The following ADAMTS16 variants were observed in gnomAD, a reference collection of about 807,000 sequenced individuals.
ADAMTS16 encodes A disintegrin and metalloproteinase with thrombospondin motifs 16.
In ADAMTS16, 94 loss-of-function variants were observed where a neutral mutation model predicts 145.8. The ratio of observed to expected loss-of-function variants is 0.64; its 90% CI spans 0.55 to 0.77. ADAMTS16 has a LOEUF of 0.77. Among genes scored for constraint, ADAMTS16 ranks in the 30% least tolerant of loss-of-function variants. ADAMTS16 has a pLI of 0.00. For missense variants in ADAMTS16, 1,585 were observed against 1,591.5 expected (o/e 1.00, Z 0.07); for synonymous variants, 659 against 604.3 (o/e 1.09, Z -1.33).
chr5:5,306,812 G>C (rs75483865), intron 21 of ADAMTS16, 84 bp downstream of exon 21: 43,221 of 1,334,988 alleles, frequency 0.032, 830 homozygotes, highest in East Asian at 0.071. Flanking sequence ...ATGCTTCTGC[G>C]AGGGTGTTTT....
At position 5,234,994 on chromosome 5, in the gene ADAMTS16, C is replaced by T. The variant is rs748774002; in HGVS notation, c.1851-20C>T. 4 of 1,505,982 alleles carry T rather than the reference C, an allele frequency of 2.7e-6. No individual in the cohort carries two copies. In the Admixed American group the frequency reaches 8.0e-5, roughly 30 times the overall value. 93.3% of individuals were successfully genotyped at this position (1,505,982 alleles called of 1,614,324 possible). ...AGCTACTAAAATATAAAAATTCTAACTTCAAAATACACATTCCAGGCCATC... is the reference window on the plus strand; with the variant it reads ...AGCTACTAAAATATAAAAATTCTAATTTCAAAATACACATTCCAGGCCATC... On this transcript the variant is annotated intron_variant, in intron 12 of 22. Coordinates refer to ENST00000274181, the MANE Select transcript of ADAMTS16 (RefSeq NM_139056.4).
At chr5:5,170,625 G>A (rs922495897) in intron 3 of ADAMTS16, among the ~76,000 whole-genome samples, 1 of 152,158 alleles carries the variant, frequency 6.6e-6, no homozygotes, top group South Asian at 2.1e-4. Context: ...TGATCCGCCC[G>A]CCTCAGCCCC....
intron 11 of ADAMTS16, among the ~76,000 whole-genome samples, chr5:5,225,003 A>G (rs923128813): frequency 6.6e-6 from 1 of 152,088 alleles, no homozygotes; most frequent in Non-Finnish European, 1.5e-5. Flanking sequence ...TGTATTTCAA[A>G]TATAGCTTTT....
intron 9 of ADAMTS16, among the ~76,000 whole-genome samples, chr5:5,208,154 T>G (rs1736179249): frequency 6.6e-6 from 1 of 152,176 alleles, no homozygotes; most frequent in African/African-American, 2.4e-5. Context: ...GGGCTATATG[T>G]TGCTTTTTAT....
chr5:5,219,586 A>T (rs1349806069), intron 10 of ADAMTS16, among the ~76,000 whole-genome samples: 2 of 152,248 alleles, frequency 1.3e-5, no homozygotes, highest in Non-Finnish European at 2.9e-5. Context: ...CATCTACAGG[A>T]TACCAAGGTC....
Position 5,309,751 on chromosome 5 carries a change from T to C in ADAMTS16, c.3411+3023T>C, listed in dbSNP as rs113431763. 9.5e-3 allele frequency among the ~76,000 whole-genome samples: 1,440 copies of C among 152,066 alleles called. 26 individuals carry two copies. Among genetic ancestry groups the C allele is most frequent in the African/African-American group, 0.033 (1,386 of 41,486 alleles). ...GACCCATGATGCAAGTGGAAACAGA[T>C]ACACCCAAGCACACTGCTGGTTTGG... On this transcript the variant is annotated intron_variant, in intron 21 of 22. Transcript: ENST00000274181.
intron 11 of ADAMTS16, among the ~76,000 whole-genome samples, chr5:5,225,748 T>C (rs993322622): frequency 5.3e-5 from 8 of 152,154 alleles, no homozygotes; most frequent in Admixed American, 5.2e-4. Flanking sequence ...GGATTGAAGA[T>C]TCGTGAGTAT....
At chr5:5,152,536 A>C (rs1410813659) in intron 3 of ADAMTS16, among the ~76,000 whole-genome samples, 1 of 152,218 alleles carries the variant, frequency 6.6e-6, no homozygotes, top group African/African-American at 2.4e-5. Flanking sequence ...TTTCAGATGC[A>C]AGTGGCTTGC....
intron 4 of ADAMTS16, among the ~76,000 whole-genome samples, chr5:5,183,480 A>T (rs1735400047): frequency 6.6e-6 from 1 of 152,216 alleles, no homozygotes; most frequent in African/African-American, 2.4e-5. Flanking sequence ...CAAATTCCGT[A>T]TGCCAGGGAG....
At chr5:5,300,351 T>G (rs1207970846) in intron 18 of ADAMTS16, among the ~76,000 whole-genome samples, 1 of 151,990 alleles carries the variant, frequency 6.6e-6, no homozygotes, top group Non-Finnish European at 1.5e-5. Context: ...TTTTTCATAA[T>G]GAGGATGTGT....
In ADAMTS16 at chr5:5,210,826, A is replaced by G. The variant is rs554305980; in HGVS notation, c.1605+1580A>G. On this transcript the variant is annotated intron_variant, in intron 10 of 22. Transcript: ENST00000274181. Reference sequence around the variant, plus strand: ...AATCTTTCCCTACGTCTATTGATATAGTTATATTGTTTCCTCCTTTGTTCT... The same window carrying G: ...AATCTTTCCCTACGTCTATTGATATGGTTATATTGTTTCCTCCTTTGTTCT... 2.0e-5 allele frequency among the ~76,000 whole-genome samples: 3 copies of G among 152,278 alleles called. No individual in the cohort carries two copies. The East Asian group carries it at 5.8e-4, about 29-fold the overall frequency.
At chr5:5,170,708 A>ATTT (rs71604108) in intron 3 of ADAMTS16, among the ~76,000 whole-genome samples, 3 of 148,710 alleles carry the variant, frequency 2.0e-5, no homozygotes, top group Non-Finnish European at 4.5e-5. Context: ...AAATTCTTAG[A>ATTT]TTTTTTTTTT....
At chr5:5,244,556 A>G (rs1560966071) in intron 17 of ADAMTS16, among the ~76,000 whole-genome samples, 1 of 152,166 alleles carries the variant, frequency 6.6e-6, no homozygotes, top group Non-Finnish European at 1.5e-5. Flanking sequence ...ATGAATACCA[A>G]TGCCTGGAAG....
At chr5:5,180,990 T>A (rs1735324905) in intron 3 of ADAMTS16, among the ~76,000 whole-genome samples, 1 of 152,252 alleles carries the variant, frequency 6.6e-6, no homozygotes, top group Non-Finnish European at 1.5e-5. Context: ...AGTGGTTATA[T>A]AACCTCCAAT....
intron 10 of ADAMTS16, among the ~76,000 whole-genome samples, chr5:5,213,072 A>T (rs1021835554): frequency 1.4e-4 from 21 of 152,370 alleles, no homozygotes; most frequent in Admixed American, 1.4e-3. Flanking sequence ...AAATCCATGC[A>T]TCCCTCTTCC....
At chr5:5,187,958 C>T in intron 6 of ADAMTS16, 150 bp downstream of exon 6, 1 of 564,368 alleles carries the variant, frequency 1.8e-6, no homozygotes, top group Non-Finnish European at 3.0e-6. Context: ...AAATGAGTGT[C>T]TTTTCAATCC....
chr5:5,278,247 G>A (rs1738775108), intron 18 of ADAMTS16, among the ~76,000 whole-genome samples: 2 of 152,168 alleles, frequency 1.3e-5, no homozygotes, highest in South Asian at 4.1e-4. Flanking sequence ...AGTGACTTTG[G>A]TTCTCCATTC....
intron 3 of ADAMTS16, among the ~76,000 whole-genome samples, chr5:5,148,318 C>G (rs889856509): frequency 2.0e-5 from 3 of 152,136 alleles, no homozygotes; most frequent in Non-Finnish European, 4.4e-5. Context: ...TTGAAAGAGC[C>G]CTGTTCTTAT....
At chr5:5,237,222 AG>A in intron 14 of ADAMTS16, 123 bp downstream of exon 14, 1 of 1,005,264 alleles carries the variant, frequency 9.9e-7, no homozygotes, top group Non-Finnish European at 1.4e-6. Flanking sequence ...GTTGCAGCCC[AG>A]TGGGGAGAAA....
Sources: allele counts gnomAD v4.1 joint callset (sites outside exome capture counted in the v4.1 genomes callset), GRCh38; gene constraint gnomAD v4.1.1; transcripts MANE v1.5; gene names NCBI Gene and HGNC (gene_info 2026-07-23, HGNC 2026-07-21).